Variants in SLIT3 observed in about 807,000 individuals in gnomAD.
The protein encoded by SLIT3 is slit homolog 3 protein.
SLIT3 carries 68 observed loss-of-function variants against 184.0 expected under a neutral mutation model. The ratio of observed to expected loss-of-function variants is 0.37; its 90% CI spans 0.30 to 0.45. The LOEUF is 0.45. Among genes scored for constraint, SLIT3 ranks in the 20% least tolerant of loss-of-function variants. The pLI, the probability that SLIT3 is intolerant of heterozygous loss-of-function variation, is 1.00. For missense variants in SLIT3, 1,707 were observed against 2,026.0 expected, an observed-to-expected ratio of 0.84 and a Z score of 3.02; for synonymous variants, 831 against 828.6, an observed-to-expected ratio of 1.00 and a Z score of -0.05.
At chr5:168,824,944 A>C (rs1317479115) in intron 6 of SLIT3, among the ~76,000 whole-genome samples, 1 of 152,240 alleles carries the variant, frequency 6.6e-6, no homozygotes, top group Non-Finnish European at 1.5e-5. Flanking sequence ...ACGTCTGCAA[A>C]GGCAGGACCA....
At chr5:169,057,722 C>T (rs13155280) in intron 4 of SLIT3, among the ~76,000 whole-genome samples, 6,358 of 152,298 alleles carry the variant, frequency 0.042, 183 homozygotes, top group Middle Eastern at 0.1. Flanking sequence ...ACAGCACCCT[C>T]AGCCATAGAC....
intron 4 of SLIT3, among the ~76,000 whole-genome samples, chr5:169,010,952 G>A (rs1756121125): frequency 6.6e-6 from 1 of 151,522 alleles, no homozygotes. Context: ...GTGCTTTACA[G>A]TATGAAGCCC....
intron 12 of SLIT3, among the ~76,000 whole-genome samples, chr5:168,776,374 C>A (rs938366772): frequency 9.2e-5 from 14 of 152,234 alleles, no homozygotes; most frequent in African/African-American, 3.1e-4. Flanking sequence ...TCCTGCCTGG[C>A]AGTGGAAAAA....
intron 7 of SLIT3, among the ~76,000 whole-genome samples, chr5:168,818,021 A>C (rs1109105): frequency 5.3e-5 from 8 of 150,270 alleles, no homozygotes; most frequent in African/African-American, 1.8e-4. Flanking sequence ...CTTTGTGTGC[A>C]CTAGCTGGAG....
intron 4 of SLIT3, among the ~76,000 whole-genome samples, chr5:169,133,511 A>G (rs557865427): frequency 7.2e-5 from 11 of 152,364 alleles, no homozygotes; most frequent in African/African-American, 2.4e-4. Flanking sequence ...ACTGAGCGAC[A>G]TGCTGACGTA....
chr5:169,000,821 C>G (rs182528926), intron 4 of SLIT3, among the ~76,000 whole-genome samples: 31 of 152,158 alleles, frequency 2.0e-4, no homozygotes, highest in African/African-American at 7.2e-4. Flanking sequence ...TTACAACTGA[C>G]CCGACAACCT....
intron 20 of SLIT3, among the ~76,000 whole-genome samples, chr5:168,735,025 A>C (rs1348526896): frequency 1.3e-5 from 2 of 152,196 alleles, no homozygotes; most frequent in Non-Finnish European, 2.9e-5. Flanking sequence ...CAGGCCCTTC[A>C]TGAAAACTCT....
chr5:168,749,075 G>A (rs1419842889), intron 19 of SLIT3, among the ~76,000 whole-genome samples: 1 of 152,184 alleles, frequency 6.6e-6, no homozygotes, highest in Non-Finnish European at 1.5e-5. Flanking sequence ...CCCATGTACA[G>A]TTGTATAGGT....
chr5:169,031,974 T>G (rs1346271486), intron 4 of SLIT3, among the ~76,000 whole-genome samples: 2 of 152,112 alleles, frequency 1.3e-5, no homozygotes, highest in East Asian at 1.9e-4. Flanking sequence ...GTAAGCATGG[T>G]AGAAAATAAA....
intron 4 of SLIT3, among the ~76,000 whole-genome samples, chr5:168,963,888 G>A (rs1763098312): frequency 6.6e-6 from 1 of 152,122 alleles, no homozygotes; most frequent in Non-Finnish European, 1.5e-5. Flanking sequence ...CTACCATAGT[G>A]CCTTAAGCAA....
At chr5:169,025,501 T>C (rs939696574) in intron 4 of SLIT3, among the ~76,000 whole-genome samples, 1 of 152,200 alleles carries the variant, frequency 6.6e-6, no homozygotes, top group African/African-American at 2.4e-5. Context: ...TTTTCTTCAA[T>C]CTTGTTCTTT....
chr5:169,196,072 T>A (rs1008360378), intron 3 of SLIT3, among the ~76,000 whole-genome samples: 42 of 152,202 alleles, frequency 2.8e-4, no homozygotes, highest in Admixed American at 1.3e-4. Context: ...CCCCTGGCAA[T>A]CACCGTTCCA....
intron 5 of SLIT3, among the ~76,000 whole-genome samples, chr5:168,875,833 C>A (rs1233477433): frequency 2.6e-5 from 4 of 151,946 alleles, no homozygotes; most frequent in Admixed American, 6.6e-5. Flanking sequence ...GGAAGGTAGA[C>A]ATGACCCCTG....
intron 4 of SLIT3, among the ~76,000 whole-genome samples, chr5:168,986,870 A>G (rs1182479815): frequency 6.6e-6 from 1 of 152,204 alleles, no homozygotes; most frequent in Non-Finnish European, 1.5e-5. Flanking sequence ...TTAACTCATG[A>G]TATACACATT....
chr5:169,113,338 T>C (rs1373998275), intron 4 of SLIT3, among the ~76,000 whole-genome samples: 1 of 152,230 alleles, frequency 6.6e-6, no homozygotes, highest in Non-Finnish European at 1.5e-5. Flanking sequence ...TTTTTGTGAC[T>C]AGCTTATTTC....
At chr5:168,938,650 A>G (rs1220275870) in intron 4 of SLIT3, among the ~76,000 whole-genome samples, 1 of 151,954 alleles carries the variant, frequency 6.6e-6, no homozygotes, top group Non-Finnish European at 1.5e-5. Context: ...ATTTTTTTTG[A>G]GACGGAGTCT....
intron 10 of SLIT3, among the ~76,000 whole-genome samples, chr5:168,793,603 C>T (rs1756462671): frequency 6.6e-6 from 1 of 152,172 alleles, no homozygotes; most frequent in South Asian, 2.1e-4. Context: ...TTTGAATGCA[C>T]AGATCATGGC....
In SLIT3 at chr5:168,686,950, C is replaced by T. The variant is rs533758847; in HGVS notation, c.3314+29G>A. On this transcript the variant is annotated intron_variant, in intron 30 of 35. Transcript: ENST00000519560. ...GCCCCTGCCACCTGGCCCAGGCTGT[C>T]TCCTTCCTGAGGTGCCCTCCTGCCT... 59 of 1,605,002 alleles carry T rather than the reference C, an allele frequency of 3.7e-5. No homozygotes were observed. The South Asian group carries it at 6.4e-4, about 17-fold the overall frequency.
intron 4 of SLIT3, among the ~76,000 whole-genome samples, chr5:168,923,610 G>C (rs1330318285): frequency 6.6e-6 from 1 of 151,212 alleles, no homozygotes; most frequent in Non-Finnish European, 1.5e-5. Flanking sequence ...TCCGCCTCCT[G>C]GGTTCAAGCA....
Sources: gnomAD v4.1 joint callset for allele counts (sites outside exome capture counted in the v4.1 genomes callset) on GRCh38, gnomAD v4.1.1 for gene constraint, MANE v1.5 for transcripts, NCBI Gene and HGNC (gene_info 2026-07-23, HGNC 2026-07-21) for gene names.